Variants in EYA1 observed in about 807,000 individuals in gnomAD.
EYA1 encodes the protein EYA transcriptional coactivator and phosphatase 1, also known as protein phosphatase EYA1.
A neutral mutation model predicts 82.0 loss-of-function variants in EYA1; 16 were observed. The observed-to-expected ratio is 0.20, with a 90% CI of 0.13 to 0.30. The LOEUF (loss-of-function observed/expected upper bound fraction) is 0.30, where lower values mean the gene tolerates loss of function less well. EYA1 is among the 10% of genes least tolerant of loss of function. EYA1 has a pLI of 1.00. For missense variants in EYA1, 633 were observed against 730.7 expected (o/e 0.87, Z 1.54); for synonymous variants, 261 against 264.4 (o/e 0.99, Z 0.12).
chr8:71,311,404 G>A (rs142045555), intron 7 of EYA1, among the ~76,000 whole-genome samples: 52 of 152,252 alleles, frequency 3.4e-4, no homozygotes, highest in Non-Finnish European at 4.6e-4. Flanking sequence ...ACAACACCCC[G>A]TTTCACTATT....
chr8:71,397,141 G>A (rs1351608710), intron 2 of EYA1, among the ~76,000 whole-genome samples: 1 of 152,050 alleles, frequency 6.6e-6, no homozygotes, highest in Non-Finnish European at 1.5e-5. Context: ...CATTTGCTTG[G>A]TAGATCTTTC....
intron 11 of EYA1, among the ~76,000 whole-genome samples, chr8:71,257,714 C>A (rs79728206): frequency 6.6e-6 from 1 of 152,270 alleles, no homozygotes; most frequent in Non-Finnish European, 1.5e-5. Flanking sequence ...AGAGGAACTC[C>A]TACATTTTTG....
intron 2 of EYA1, among the ~76,000 whole-genome samples, chr8:71,457,457 C>T (rs532757231): frequency 9.9e-5 from 15 of 152,246 alleles, no homozygotes; most frequent in South Asian, 6.2e-4. Context: ...AAGACACGTG[C>T]GCACGTATGT....
chr8:71,422,248 T>C (rs1831185593), intron 2 of EYA1, among the ~76,000 whole-genome samples: 1 of 152,156 alleles, frequency 6.6e-6, no homozygotes, highest in Non-Finnish European at 1.5e-5. Flanking sequence ...CTGGTGAGCT[T>C]TTCTGGGATA....
chr8:71,461,231 A>G (rs1191871835), intron 2 of EYA1, among the ~76,000 whole-genome samples: 1 of 152,168 alleles, frequency 6.6e-6, no homozygotes, highest in East Asian at 1.9e-4. Flanking sequence ...TGCTCTGCCA[A>G]CTTGGTCTGG....
At chr8:71,516,405 G>A (rs575856860) in intron 2 of EYA1, among the ~76,000 whole-genome samples, 2 of 152,222 alleles carry the variant, frequency 1.3e-5, no homozygotes, top group Admixed American at 6.5e-5. Flanking sequence ...ACTAGTTGGA[G>A]TTACCAGGGT....
chr8:71,450,945 C>T (rs912958549), intron 2 of EYA1, among the ~76,000 whole-genome samples: 3 of 152,146 alleles, frequency 2.0e-5, no homozygotes, highest in African/African-American at 7.2e-5. Flanking sequence ...CTACTAAAAA[C>T]ATGCAAAAGA....
chr8:71,301,055 T>G (rs10092844), intron 7 of EYA1, among the ~76,000 whole-genome samples: 72,145 of 151,712 alleles, frequency 0.48, 17,840 homozygotes, highest in East Asian at 0.71. Flanking sequence ...AAGTTAGAGT[T>G]TTACGGCAAA....
At chr8:71,208,714 A>T (rs1249589465) in intron 17 of EYA1, among the ~76,000 whole-genome samples, 2 of 141,018 alleles carry the variant, frequency 1.4e-5, no homozygotes, top group African/African-American at 5.7e-5. Flanking sequence ...TGTACCCTAG[A>T]ACTTAAAGTA....
chr8:71,354,733 T>G, intron 3 of EYA1, 49 bp downstream of exon 3: 1 of 1,588,066 alleles, frequency 6.3e-7, no homozygotes, highest in Non-Finnish European at 8.6e-7. Context: ...AAGCATATAC[T>G]GATGAAGAAA....
chr8:71,276,858 C>A (rs1014768862), intron 9 of EYA1, among the ~76,000 whole-genome samples: 1 of 152,086 alleles, frequency 6.6e-6, no homozygotes, highest in East Asian at 1.9e-4. Context: ...CGTTATTTAG[C>A]CTTTACATGA....
intron 2 of EYA1, among the ~76,000 whole-genome samples, chr8:71,528,023 T>C (rs1370770244): frequency 6.6e-6 from 1 of 151,678 alleles, no homozygotes; most frequent in Non-Finnish European, 1.5e-5. Flanking sequence ...AACAAAGTCC[T>C]AAAGTCTGTG....
chr8:71,450,233 C>T (rs1586739971), intron 2 of EYA1, among the ~76,000 whole-genome samples: 1 of 152,170 alleles, frequency 6.6e-6, no homozygotes, highest in South Asian at 2.1e-4. Flanking sequence ...CTACTTTTGG[C>T]CTGTCTTAGT....
At chr8:71,357,376 G>T (rs72654184) in intron 1 of EYA1, among the ~76,000 whole-genome samples, 4,390 of 152,338 alleles carry the variant, frequency 0.029, 77 homozygotes, top group Middle Eastern at 0.044. Flanking sequence ...TAACTAATGT[G>T]CAGGCTTTGA....
chr8:71,219,009 G>A (rs1809558015), intron 12 of EYA1, among the ~76,000 whole-genome samples: 1 of 152,124 alleles, frequency 6.6e-6, no homozygotes, highest in East Asian at 1.9e-4. Flanking sequence ...GGTGGAAAGA[G>A]TTTTTTGAAA....
chr8:71,396,127 C>T (rs4313188), intron 2 of EYA1, among the ~76,000 whole-genome samples: 36,014 of 151,958 alleles, frequency 0.24, 4,551 homozygotes, highest in Middle Eastern at 0.34. Context: ...TCTGTGGGAT[C>T]GGTGGTGATA....
chr8:71,261,723 G>T (rs1049675323), intron 11 of EYA1, among the ~76,000 whole-genome samples: 1 of 152,204 alleles, frequency 6.6e-6, no homozygotes, highest in Non-Finnish European at 1.5e-5. Flanking sequence ...GAGGGAGGAA[G>T]AAGAATAAAG....
At chr8:71,542,293 C>T (rs549616260) in intron 1 of EYA1, among the ~76,000 whole-genome samples, 1 of 140,334 alleles carries the variant, frequency 7.1e-6, no homozygotes, top group African/African-American at 2.5e-5. Context: ...CATTCAGCAC[C>T]CACTTACAAG....
rs1447710228 is a variant in EYA1 at position 71,322,182 on chromosome 8, G to C, written c.272+17C>G. 1.9e-6 allele frequency: 3 copies of C among 1,603,352 alleles called. No individual in the cohort carries two copies. Among genetic ancestry groups the C allele is most frequent in the Non-Finnish European group, 2.6e-6 (3 of 1,170,168 alleles). ...CTCAGAGAAGTTATTTATTGATTAA[G>C]AGAAAATACATCTTACTTGGAAGGG... On this transcript the variant is annotated intron_variant, in intron 5 of 17. Coordinates refer to ENST00000340726, the MANE Select transcript of EYA1 (RefSeq NM_000503.6).
Sources: allele counts gnomAD v4.1 joint callset (sites outside exome capture counted in the v4.1 genomes callset), GRCh38; gene constraint gnomAD v4.1.1; transcripts MANE v1.5; gene names NCBI Gene and HGNC (gene_info 2026-07-23, HGNC 2026-07-21).